The following RBFOX1 variants were observed in gnomAD, a reference collection of about 807,000 sequenced individuals.
RBFOX1 encodes RNA binding fox-1 homolog 1, also known as RNA binding protein fox-1 homolog 1.
In RBFOX1, 8 loss-of-function variants were observed where a neutral mutation model predicts 57.7. That is an observed-to-expected ratio of 0.14 (90% CI 0.08 to 0.25). RBFOX1 has a LOEUF of 0.25. Among genes scored for constraint, RBFOX1 ranks in the 10% least tolerant of loss-of-function variants. RBFOX1 has a pLI of 1.00. For synonymous variants in RBFOX1, 326 were observed against 222.4 expected (o/e 1.47, Z -4.15); for missense variants, 611 against 548.5 (o/e 1.11, Z -1.14).
intron 4 of RBFOX1, among the ~76,000 whole-genome samples, chr16:7,141,427 G>C (rs2073759177): frequency 6.6e-6 from 1 of 151,312 alleles, no homozygotes. Flanking sequence ...CTTATCGCAT[G>C]ATTGTTAATC....
At chr16:5,334,901 G>A (rs981673949) in intron 1 of RBFOX1, among the ~76,000 whole-genome samples, 2 of 151,972 alleles carry the variant, frequency 1.3e-5, no homozygotes, top group African/African-American at 4.8e-5. Flanking sequence ...GCTGTTATCA[G>A]TGAGGCTGTA....
At chr16:6,893,482 G>C (rs1259808717) in intron 3 of RBFOX1, among the ~76,000 whole-genome samples, 1 of 152,152 alleles carries the variant, frequency 6.6e-6, no homozygotes, top group Non-Finnish European at 1.5e-5. Flanking sequence ...GCGATAGAGA[G>C]GTCCCTTGTC....
intron 1 of RBFOX1, among the ~76,000 whole-genome samples, chr16:6,035,749 A>G (rs954064316): frequency 1.3e-5 from 2 of 152,142 alleles, no homozygotes; most frequent in Non-Finnish European, 2.9e-5. Flanking sequence ...CTGTCAACCA[A>G]TTGGAATTAC....
At chr16:5,710,414 G>A (rs532178316) in intron 3 of RBFOX1, among the ~76,000 whole-genome samples, 1 of 152,254 alleles carries the variant, frequency 6.6e-6, no homozygotes, top group East Asian at 1.9e-4. Flanking sequence ...TGGTAGCCTT[G>A]CGCAGTTGCG....
At chr16:7,282,244 A>C (rs1164385315) in intron 4 of RBFOX1, among the ~76,000 whole-genome samples, 1 of 152,132 alleles carries the variant, frequency 6.6e-6, no homozygotes, top group Non-Finnish European at 1.5e-5. Context: ...GTTTGCTCAG[A>C]CTAACAGTCA....
At chr16:7,511,874 AAAGCGT>A (rs201423795) in intron 4 of RBFOX1, among the ~76,000 whole-genome samples, 21,062 of 152,190 alleles carry the variant, frequency 0.14, 1,536 homozygotes, top group African/African-American at 0.18. Flanking sequence ...AGTGGGTCTT[AAAGCGT>A]GAGATCTTGG....
intron 1 of RBFOX1, among the ~76,000 whole-genome samples, chr16:6,023,784 G>A (rs1302477285): frequency 6.6e-6 from 1 of 152,152 alleles, no homozygotes; most frequent in African/African-American, 2.4e-5. Context: ...TTTACCCACA[G>A]TGTCGTGCCG....
rs61090843 is a variant in RBFOX1, at chr16:6,192,155, CA to C, written c.-126-124838del. Among the ~76,000 whole-genome samples the C allele has an allele frequency of 6.8e-3, 1,035 of 152,254 alleles. 7 individuals are homozygous for C. Among genetic ancestry groups the C allele is most frequent in the African/African-American group, 0.024 (980 of 41,542 alleles). ...ATTAATTCTGTTTCCTTCCCCATCG[CA>C]ATTTAGTTTGGAAGATGTCAGTGCT... On this transcript the variant is annotated intron_variant, in intron 1 of 15. Transcript: ENST00000550418.
At chr16:6,455,279 G>A (rs536948931) in intron 2 of RBFOX1, among the ~76,000 whole-genome samples, 1 of 152,192 alleles carries the variant, frequency 6.6e-6, no homozygotes, top group East Asian at 1.9e-4. Flanking sequence ...GTGTCTGAGA[G>A]ACCTGAACAA....
At chr16:6,154,593 T>G (rs2152731363) in intron 1 of RBFOX1, among the ~76,000 whole-genome samples, 1 of 152,328 alleles carries the variant, frequency 6.6e-6, no homozygotes, top group South Asian at 2.1e-4. Flanking sequence ...CTCTCTGGCA[T>G]TATTGCTGTT....
intron 2 of RBFOX1, among the ~76,000 whole-genome samples, chr16:6,637,132 A>T (rs1258071890): frequency 1.2e-5 from 1 of 85,536 alleles, no homozygotes; most frequent in Non-Finnish European, 2.0e-5. Context: ...TTTATATTAT[A>T]TATTAAATAT....
intron 4 of RBFOX1, among the ~76,000 whole-genome samples, chr16:7,376,255 A>C (rs142117907): frequency 5.3e-5 from 8 of 152,358 alleles, no homozygotes; most frequent in Admixed American, 1.3e-4. Flanking sequence ...AGGGCATTAT[A>C]TTGCCACTTA....
chr16:7,115,272 A>C (rs1285412549), intron 4 of RBFOX1, among the ~76,000 whole-genome samples: 1 of 152,152 alleles, frequency 6.6e-6, no homozygotes, highest in Non-Finnish European at 1.5e-5. Flanking sequence ...CCGGTCACTC[A>C]TGGAAAAATG....
At chr16:6,167,802 A>G (rs2096928723) in intron 1 of RBFOX1, among the ~76,000 whole-genome samples, 1 of 152,094 alleles carries the variant, frequency 6.6e-6, no homozygotes, top group Non-Finnish European at 1.5e-5. Flanking sequence ...GGAGGCCAGA[A>G]GATGTAGGGT....
rs190088608 is a variant in RBFOX1 at position 5,354,349 on chromosome 16, C to G, written c.220-112867C>G. Among the ~76,000 whole-genome samples the G allele has an allele frequency of 3.9e-5, 6 of 152,226 alleles. No individual in the cohort carries two copies. The East Asian group carries it at 1.2e-3, about 29-fold the overall frequency. On this transcript the variant is annotated intron_variant, in intron 1 of 2. Transcript: ENST00000585867. The stretch of plus-strand genomic sequence containing the variant: ...TCTCCTTGTCGATCTGTAGTCTGAC[C>G]CAATATTCCTGAAAGACAGACCGAC...
chr16:6,476,788 T>G (rs1423906443), intron 2 of RBFOX1, among the ~76,000 whole-genome samples: 1 of 152,234 alleles, frequency 6.6e-6, no homozygotes, highest in Non-Finnish European at 1.5e-5. Flanking sequence ...CCTGATGCTG[T>G]TTGACAGCAT....
At chr16:7,463,026 A>G (rs994553786) in intron 4 of RBFOX1, among the ~76,000 whole-genome samples, 2 of 152,168 alleles carry the variant, frequency 1.3e-5, no homozygotes, top group Non-Finnish European at 2.9e-5. Flanking sequence ...ACTAAATGCC[A>G]AAAACTGGTT....
chr16:7,413,334 C>T (rs2098447897), intron 4 of RBFOX1, among the ~76,000 whole-genome samples: 1 of 152,014 alleles, frequency 6.6e-6, no homozygotes. Context: ...CTCCCTTCCC[C>T]AGTCTTCCTC....
At chr16:6,467,095 T>A (rs1484983935) in intron 2 of RBFOX1, among the ~76,000 whole-genome samples, 1 of 151,032 alleles carries the variant, frequency 6.6e-6, no homozygotes, top group East Asian at 1.9e-4. Context: ...TAATGTAATA[T>A]AATAAAATTT....
Sources: allele counts gnomAD v4.1 joint callset (sites outside exome capture counted in the v4.1 genomes callset), GRCh38; gene constraint gnomAD v4.1.1; transcripts MANE v1.5; gene names NCBI Gene and HGNC (gene_info 2026-07-23, HGNC 2026-07-21).